MAP3K20: variants seen among roughly 807,000 people sequenced by gnomAD.
MAP3K20 encodes HCCS-4.
A neutral mutation model predicts 85.7 loss-of-function variants in MAP3K20; 40 were observed. The observed-to-expected ratio is 0.47, with a 90% CI of 0.36 to 0.61. The LOEUF (loss-of-function observed/expected upper bound fraction) is 0.61, where lower values mean the gene tolerates loss of function less well. Ranked by LOEUF, MAP3K20 falls within the 20% of genes least tolerant of loss-of-function variation. The pLI is 0.00. For missense variants in MAP3K20, 817 were observed against 961.7 expected (o/e 0.85, Z 1.99); for synonymous variants, 325 against 327.7 (o/e 0.99, Z 0.09).
At chr2:173,203,529 TA>T (rs1206438330) in intron 8 of MAP3K20, among the ~76,000 whole-genome samples, 1 of 152,196 alleles carries the variant, frequency 6.6e-6, no homozygotes, top group Admixed American at 6.5e-5. Flanking sequence ...TAGTTCTGTT[TA>T]GATATTTTAT....
chr2:173,254,400 C>T (rs1685112900), intron 16 of MAP3K20, among the ~76,000 whole-genome samples: 1 of 146,916 alleles, frequency 6.8e-6, no homozygotes. Context: ...TGCCACTGCA[C>T]TCCAGCCTGG....
intron 10 of MAP3K20, chr2:173,212,406 G>C (rs781587881): frequency 6.6e-6 from 1 of 152,058 alleles, no homozygotes; most frequent in Non-Finnish European, 1.5e-5. Flanking sequence ...ATCTGATCTA[G>C]TCCAAGGACA....
rs530580690 is a variant in MAP3K20, at chr2:173,145,256, GA to G, written c.160-24540del. Among the ~76,000 whole-genome samples the G allele has an allele frequency of 2.7e-5, 4 of 150,324 alleles. No homozygotes were observed. In the East Asian group the frequency reaches 7.8e-4, roughly 29 times the overall value. ...AGCAAGACTCCGTCTCAAAAAAAAAGAAAAAAAAATTGGTAACTAGAGCTTC... is the reference window on the plus strand; with the variant it reads ...AGCAAGACTCCGTCTCAAAAAAAAAGAAAAAAAATTGGTAACTAGAGCTTC... On this transcript the variant is annotated intron_variant, in intron 2 of 19. Transcript: ENST00000375213.
At chr2:173,174,460 T>G (rs188972837) in intron 3 of MAP3K20, among the ~76,000 whole-genome samples, 1,937 of 152,366 alleles carry the variant, frequency 0.013, 23 homozygotes, top group Middle Eastern at 0.024. Context: ...ATGTGGTGTT[T>G]GGTTTTCTGT....
At chr2:173,080,945 C>T (rs138264384) in intron 1 of MAP3K20, among the ~76,000 whole-genome samples, 14 of 152,262 alleles carry the variant, frequency 9.2e-5, no homozygotes, top group African/African-American at 2.6e-4. Context: ...GCTGTCTGCA[C>T]GTCATGTAAT....
intron 2 of MAP3K20, among the ~76,000 whole-genome samples, chr2:173,144,481 A>AAAG (rs1689077594): frequency 7.2e-6 from 1 of 139,000 alleles, no homozygotes; most frequent in Admixed American, 8.3e-5. Flanking sequence ...AAAAAAAAAA[A>AAAG]AAAAGAAAAG....
chr2:173,079,129 C>T (rs998074544), intron 1 of MAP3K20, among the ~76,000 whole-genome samples: 8 of 152,222 alleles, frequency 5.3e-5, no homozygotes. Flanking sequence ...TAGCCTACTA[C>T]ACACCTAGGC....
intron 12 of MAP3K20, among the ~76,000 whole-genome samples, chr2:173,230,973 G>A (rs1684510345): frequency 6.6e-6 from 1 of 152,092 alleles, no homozygotes; most frequent in Non-Finnish European, 1.5e-5. Flanking sequence ...TCCAGCCTGG[G>A]CAACAGAGCA....
chr2:173,237,826 C>T (rs530978415), intron 14 of MAP3K20, among the ~76,000 whole-genome samples: 7 of 152,236 alleles, frequency 4.6e-5, no homozygotes, highest in African/African-American at 9.6e-5. Flanking sequence ...TATACTCTGG[C>T]GGCGTTTGAA....
At chr2:173,238,630 T>G (rs1418980691) in intron 15 of MAP3K20, among the ~76,000 whole-genome samples, 195 bp downstream of exon 15, 2 of 152,166 alleles carry the variant, frequency 1.3e-5, no homozygotes, top group African/African-American at 4.8e-5. Context: ...GTTGAAATAT[T>G]AACAATTTGT....
At chr2:173,174,831 A>G (rs1690108114) in intron 3 of MAP3K20, among the ~76,000 whole-genome samples, 1 of 152,176 alleles carries the variant, frequency 6.6e-6, no homozygotes, top group African/African-American at 2.4e-5. Flanking sequence ...GTAGTGTAAG[A>G]TGTTTGAAAT....
At chr2:173,251,985 A>G (rs1558910975) in intron 16 of MAP3K20, among the ~76,000 whole-genome samples, 2 of 150,716 alleles carry the variant, frequency 1.3e-5, no homozygotes, top group Non-Finnish European at 3.0e-5. Flanking sequence ...AGGGAAAAAT[A>G]GAGAGAGAGA....
intron 12 of MAP3K20, among the ~76,000 whole-genome samples, chr2:173,230,556 TGA>T (rs1191481438): frequency 1.3e-5 from 2 of 152,218 alleles, no homozygotes; most frequent in Admixed American, 1.3e-4. Flanking sequence ...CCTATGTTTT[TGA>T]GAGGCTGCAC....
intron 2 of MAP3K20, among the ~76,000 whole-genome samples, chr2:173,099,796 CA>C (rs1196868952): frequency 1.3e-5 from 2 of 152,190 alleles, no homozygotes; most frequent in Non-Finnish European, 2.9e-5. Flanking sequence ...GAGAAATTGC[CA>C]CCTAAGTTTT....
At chr2:173,076,291 C>T (rs909139590) in intron 1 of MAP3K20, among the ~76,000 whole-genome samples, 3 of 152,072 alleles carry the variant, frequency 2.0e-5, no homozygotes, top group Non-Finnish European at 4.4e-5. Flanking sequence ...GGGCCGGTCC[C>T]ATGGAGAAGT....
At chr2:173,100,422 C>T (rs918505432) in intron 2 of MAP3K20, among the ~76,000 whole-genome samples, 9 of 152,218 alleles carry the variant, frequency 5.9e-5, no homozygotes, top group African/African-American at 9.6e-5. Flanking sequence ...CAACACCTGC[C>T]ATTGTGCTTT....
intron 2 of MAP3K20, among the ~76,000 whole-genome samples, chr2:173,142,916 A>G (rs986941565): frequency 3.3e-5 from 5 of 152,048 alleles, no homozygotes; most frequent in African/African-American, 1.2e-4. Context: ...AATCCCAGCA[A>G]TTTGGGAGGC....
intron 11 of MAP3K20, chr2:173,221,562 GT>G (rs1684252309): frequency 1.4e-6 from 2 of 1,464,078 alleles, no homozygotes; most frequent in Non-Finnish European, 1.8e-6. Context: ...AATCACAAAT[GT>G]TTGGAAAACA....
intron 9 of MAP3K20, among the ~76,000 whole-genome samples, chr2:173,207,868 A>G (rs1330527513): frequency 2.0e-5 from 3 of 152,128 alleles, no homozygotes; most frequent in Non-Finnish European, 4.4e-5. Flanking sequence ...AAAAATCTAC[A>G]TTGTTATCAC....
Sources: gnomAD v4.1 joint callset for allele counts (sites outside exome capture counted in the v4.1 genomes callset) on GRCh38, gnomAD v4.1.1 for gene constraint, MANE v1.5 for transcripts, NCBI Gene and HGNC (gene_info 2026-07-23, HGNC 2026-07-21) for gene names.